Variants in HCN1 observed in about 807,000 individuals in gnomAD.
The protein encoded by HCN1 is potassium/sodium hyperpolarization-activated cyclic nucleotide-gated channel 1.
In HCN1, 13 loss-of-function variants were observed where a neutral mutation model predicts 78.9. That is an observed-to-expected ratio of 0.16 (90% CI 0.11 to 0.26). The LOEUF is 0.26. Among genes scored for constraint, HCN1 ranks in the 10% least tolerant of loss-of-function variants. The pLI is 1.00. For missense variants in HCN1, 810 were observed against 1,154.3 expected, an observed-to-expected ratio of 0.70 and a Z score of 4.32; for synonymous variants, 552 against 455.5, an observed-to-expected ratio of 1.21 and a Z score of -2.70.
chr5:45,278,386 T>C (rs923028803), intron 6 of HCN1, among the ~76,000 whole-genome samples: 7 of 152,112 alleles, frequency 4.6e-5, no homozygotes, highest in Non-Finnish European at 1.0e-4. Flanking sequence ...TCAATCTTTG[T>C]GCAAGATAAC....
At chr5:45,325,444 T>A (rs1487213626) in intron 5 of HCN1, among the ~76,000 whole-genome samples, 1 of 151,706 alleles carries the variant, frequency 6.6e-6, no homozygotes, top group East Asian at 1.9e-4. Flanking sequence ...ATAAAATAAA[T>A]GTGGGTTTTG....
intron 6 of HCN1, among the ~76,000 whole-genome samples, chr5:45,294,580 A>G (rs757894543): frequency 3.3e-5 from 5 of 152,056 alleles, no homozygotes; most frequent in Non-Finnish European, 5.9e-5. Context: ...AATAATAATC[A>G]AATAAATTAT....
At chr5:45,543,203 A>G (rs563922127) in intron 2 of HCN1, among the ~76,000 whole-genome samples, 4 of 152,250 alleles carry the variant, frequency 2.6e-5, no homozygotes, top group South Asian at 4.1e-4. Flanking sequence ...ACAAGAAAGC[A>G]TTTCAAAATG....
At chr5:45,275,397 A>G (rs955248475) in intron 6 of HCN1, among the ~76,000 whole-genome samples, 2 of 152,202 alleles carry the variant, frequency 1.3e-5, no homozygotes, top group African/African-American at 4.8e-5. Context: ...GCTCCAATTG[A>G]CAGAAGTTAT....
At chr5:45,316,404 G>A (rs1561102765) in intron 5 of HCN1, among the ~76,000 whole-genome samples, 1 of 152,020 alleles carries the variant, frequency 6.6e-6, no homozygotes, top group Non-Finnish European at 1.5e-5. Context: ...AGTACTGATG[G>A]GACGTATTTC....
At chr5:45,665,394 C>G (rs958304707) in intron 1 of HCN1, among the ~76,000 whole-genome samples, 1 of 151,598 alleles carries the variant, frequency 6.6e-6, no homozygotes, top group African/African-American at 2.4e-5. Context: ...CACATGTATA[C>G]ATATGTAACT....
chr5:45,663,353 C>A, intron 1 of HCN1, among the ~76,000 whole-genome samples: 1 of 140,666 alleles, frequency 7.1e-6, no homozygotes, highest in East Asian at 2.1e-4. Flanking sequence ...CCATAAAAAC[C>A]CTAGAAGAAA....
At chr5:45,634,170 T>G (rs988359481) in intron 2 of HCN1, among the ~76,000 whole-genome samples, 3 of 151,976 alleles carry the variant, frequency 2.0e-5, no homozygotes, top group African/African-American at 7.2e-5. Context: ...ACATTCTAGA[T>G]GAACCTTCTG....
At chr5:45,378,047 A>G (rs1242021995) in intron 4 of HCN1, among the ~76,000 whole-genome samples, 2 of 151,972 alleles carry the variant, frequency 1.3e-5, no homozygotes, top group Non-Finnish European at 2.9e-5. Context: ...GGAGATTAAT[A>G]CATATTTAGT....
Position 45,580,403 on chromosome 5 carries a change from T to C in HCN1, c.849+64782A>G, listed in dbSNP as rs1320649533. Among the ~76,000 whole-genome samples, 10 of 152,070 alleles carry C rather than the reference T, an allele frequency of 6.6e-5. No homozygotes were observed. In the East Asian group the frequency reaches 1.4e-3, roughly 21 times the overall value. On this transcript the variant is annotated intron_variant, in intron 2 of 7. Coordinates refer to ENST00000303230, the MANE Select transcript of HCN1 (RefSeq NM_021072.4). ...AAGGAATGTGGTGGCCTCTAGTACC[T>C]GGAAAAGGCAATGAAACAACTCCCC...
At chr5:45,417,366 T>A (rs1232022296) in intron 3 of HCN1, among the ~76,000 whole-genome samples, 3 of 151,928 alleles carry the variant, frequency 2.0e-5, no homozygotes, top group Admixed American at 2.0e-4. Flanking sequence ...TTCATCAGTA[T>A]TTTATACTAA....
intron 2 of HCN1, among the ~76,000 whole-genome samples, chr5:45,494,015 C>G (rs896138512): frequency 5.9e-5 from 9 of 152,012 alleles, no homozygotes; most frequent in African/African-American, 1.7e-4. Flanking sequence ...GGACATTTGG[C>G]TTGGTTCCAA....
chr5:45,498,110 T>C (rs1014496006), intron 2 of HCN1, among the ~76,000 whole-genome samples: 1 of 152,156 alleles, frequency 6.6e-6, no homozygotes, highest in Non-Finnish European at 1.5e-5. Context: ...TTCTCTTTAG[T>C]TCCTGAATCT....
intron 2 of HCN1, among the ~76,000 whole-genome samples, chr5:45,594,330 G>A (rs1744442583): frequency 6.6e-6 from 1 of 152,100 alleles, no homozygotes; most frequent in Admixed American, 6.6e-5. Flanking sequence ...TGAAGGAAGA[G>A]GTAATAGTCT....
chr5:45,461,818 A>G, intron 3 of HCN1, 28 bp downstream of exon 3: 2 of 1,597,426 alleles, frequency 1.3e-6, no homozygotes, highest in Non-Finnish European at 1.7e-6. Context: ...TTGAAAAGTC[A>G]GAGTGTAAAA....
intron 2 of HCN1, among the ~76,000 whole-genome samples, chr5:45,475,197 T>C (rs531458823): frequency 1.3e-5 from 2 of 152,050 alleles, no homozygotes; most frequent in South Asian, 2.1e-4. Context: ...AAAGCAGTGT[T>C]AATTTATGGT....
chr5:45,400,610 C>T (rs1233565277), intron 3 of HCN1, among the ~76,000 whole-genome samples: 1 of 151,856 alleles, frequency 6.6e-6, no homozygotes, highest in Non-Finnish European at 1.5e-5. Flanking sequence ...GTACTGGTCT[C>T]GAACTCCTCG....
At chr5:45,496,084 C>A (rs1393274182) in intron 2 of HCN1, among the ~76,000 whole-genome samples, 2 of 151,946 alleles carry the variant, frequency 1.3e-5, no homozygotes, top group Admixed American at 6.6e-5. Context: ...TGTCTCTGCA[C>A]GGCTTTGGTA....
chr5:45,298,189 T>C (rs1465525042), intron 6 of HCN1, among the ~76,000 whole-genome samples: 1 of 152,024 alleles, frequency 6.6e-6, no homozygotes, highest in Non-Finnish European at 1.5e-5. Context: ...CTTTATGAAC[T>C]GATTTATCCA....
Sources: allele counts gnomAD v4.1 joint callset (sites outside exome capture counted in the v4.1 genomes callset), GRCh38; gene constraint gnomAD v4.1.1; transcripts MANE v1.5; gene names NCBI Gene and HGNC (gene_info 2026-07-23, HGNC 2026-07-21).